Variants in C2orf76 observed in about 807,000 individuals in gnomAD.
The protein encoded by C2orf76 is chromosome 2 open reading frame 76.
In C2orf76, 23 loss-of-function variants were observed where a neutral mutation model predicts 16.9. That is an observed-to-expected ratio of 1.36 (90% CI 0.98 to 1.93). The LOEUF (loss-of-function observed/expected upper bound fraction) is 1.93. C2orf76 is among the 30% of genes most tolerant of loss of function. The pLI is 0.00. For synonymous variants in C2orf76, 48 were observed against 52.3 expected, an observed-to-expected ratio of 0.92 and a Z score of 0.35; for missense variants, 152 against 152.6, an observed-to-expected ratio of 1.00 and a Z score of 0.02.
intron 1 of C2orf76, among the ~76,000 whole-genome samples, chr2:119,360,426 G>A (rs903305419): frequency 1.3e-4 from 18 of 140,754 alleles, no homozygotes; most frequent in Non-Finnish European, 2.4e-4. Context: ...GCAGTGAGCT[G>A]AGACTGCACC....
At chr2:119,343,535 G>A (rs1457470622) in intron 1 of C2orf76, among the ~76,000 whole-genome samples, 1 of 151,446 alleles carries the variant, frequency 6.6e-6, no homozygotes, top group Non-Finnish European at 1.5e-5. Flanking sequence ...CTGGAATGCA[G>A]CCCAGTGTCC....
chr2:119,343,894 T>C (rs976726093), intron 1 of C2orf76, among the ~76,000 whole-genome samples: 4 of 152,244 alleles, frequency 2.6e-5, no homozygotes, highest in Non-Finnish European at 4.4e-5. Flanking sequence ...TTTGTCATTA[T>C]TATTCTATTT....
intron 4 of C2orf76, among the ~76,000 whole-genome samples, chr2:119,314,019 T>G (rs952705469): frequency 6.8e-6 from 1 of 148,050 alleles, no homozygotes; most frequent in Non-Finnish European, 1.5e-5. Flanking sequence ...CAGTGGTTTT[T>G]TTTTTTTTTT....
intron 1 of C2orf76, among the ~76,000 whole-genome samples, chr2:119,348,439 C>T (rs1366124911): frequency 6.6e-6 from 1 of 152,238 alleles, no homozygotes; most frequent in Non-Finnish European, 1.5e-5. Flanking sequence ...GTAATCCCAG[C>T]ACTTTGGGAG....
chr2:119,347,682 G>A (rs1190451569), intron 1 of C2orf76, among the ~76,000 whole-genome samples: 2 of 151,882 alleles, frequency 1.3e-5, no homozygotes, highest in Non-Finnish European at 2.9e-5. Flanking sequence ...GACCAGCCTG[G>A]GCAACATATC....
intron 1 of C2orf76, among the ~76,000 whole-genome samples, chr2:119,362,020 T>A (rs560270659): frequency 2.6e-4 from 39 of 151,622 alleles, no homozygotes; most frequent in Non-Finnish European, 5.0e-4. Flanking sequence ...ACAATAGGAG[T>A]CCAACTTCTA....
intron 4 of C2orf76, among the ~76,000 whole-genome samples, chr2:119,313,450 G>C (rs1679062551): frequency 6.6e-6 from 1 of 151,582 alleles, no homozygotes; most frequent in South Asian, 2.1e-4. Context: ...TATTTAATTA[G>C]CTGGGTGTGG....
rs1679232963 is a variant in C2orf76, at chr2:119,318,137, A to C, written c.185-634T>G. ...TTTGTTTATCTTGAAGTCAGGCTAC[A>C]CTGTGCACTTCCAGTAAGTAATTTC... On this transcript the variant is annotated intron_variant, in intron 3 of 5. Transcript: ENST00000334816. Among the ~76,000 whole-genome samples, 4 of 152,356 alleles carry C rather than the reference A, an allele frequency of 2.6e-5. No individual in the cohort carries two copies. In the South Asian group the frequency reaches 8.3e-4, roughly 32 times the overall value.
intron 1 of C2orf76, among the ~76,000 whole-genome samples, chr2:119,362,192 C>T (rs1680766546): frequency 1.3e-5 from 2 of 152,272 alleles, no homozygotes; most frequent in South Asian, 4.1e-4. Context: ...ACATTCTTTT[C>T]TAGTTTACTT....
chr2:119,297,873 G>GA (rs1229057631), downstream of C2orf76, among the ~76,000 whole-genome samples: 2 of 152,170 alleles, frequency 1.3e-5, no homozygotes, highest in Non-Finnish European at 2.9e-5. Flanking sequence ...AATAGACATA[G>GA]AAAAAATAAC....
chr2:119,310,170 A>AC (rs1573623169), intron 5 of C2orf76, among the ~76,000 whole-genome samples: 1 of 151,858 alleles, frequency 6.6e-6, no homozygotes, highest in Non-Finnish European at 1.5e-5. Context: ...GTCTGTCAAC[A>AC]CCCCCATTAA....
chr2:119,361,853 C>A (rs1397775005), intron 1 of C2orf76, among the ~76,000 whole-genome samples: 2 of 152,018 alleles, frequency 1.3e-5, no homozygotes, highest in African/African-American at 4.8e-5. Context: ...TTTTTTTGAA[C>A]AACATTGCCC....
rs757835297 is a variant in C2orf76 at position 119,302,422 on chromosome 2, G to A, written c.*50C>T. 1 of 714,250 alleles carries A rather than the reference G, an allele frequency of 1.4e-6. No homozygotes were observed. The highest frequency in any genetic ancestry group is 2.3e-6 in the Non-Finnish European group (1 of 428,292). The allele number at this position is 714,250 out of a possible 1,614,324, so 44.2% of individuals were successfully genotyped here. On this transcript the variant is annotated 3_prime_UTR_variant, in exon 6 of 6. Coordinates refer to ENST00000334816, the MANE Select transcript of C2orf76 (RefSeq NM_001322331.2). Reference sequence around the variant, plus strand: ...TGTCAATTTCAAAAATTCAGCAGTGGAATAAAGAGCTTAATACAGGTATGC... The same window carrying A: ...TGTCAATTTCAAAAATTCAGCAGTGAAATAAAGAGCTTAATACAGGTATGC...
At chr2:119,297,048 T>A in the C2orf76 span, among the ~76,000 whole-genome samples, 1 of 152,332 alleles carries the variant, frequency 6.6e-6, no homozygotes, top group African/African-American at 2.4e-5. Context: ...ATGAAGTTGC[T>A]GCTGCTGCAC....
Position 119,357,699 on chromosome 2 carries a change from T to C in C2orf76, c.-13+9091A>G, listed in dbSNP as rs570193612. Among the ~76,000 whole-genome samples, 11 of 151,984 alleles carry C rather than the reference T, an allele frequency of 7.2e-5. No homozygotes were observed. In the East Asian group the frequency reaches 2.1e-3, roughly 29 times the overall value. ...AAGGAAAAATAGCCATTCTCACCATTCTTATTCAACATGCTGCTGGAAGTT... is the reference window on the plus strand; with the variant it reads ...AAGGAAAAATAGCCATTCTCACCATCCTTATTCAACATGCTGCTGGAAGTT... On this transcript the variant is annotated intron_variant, in intron 1 of 5. Transcript: ENST00000334816.
At chr2:119,295,621 T>C in the C2orf76 span, among the ~76,000 whole-genome samples, 1 of 152,182 alleles carries the variant, frequency 6.6e-6, no homozygotes, top group Non-Finnish European at 1.5e-5. Context: ...ATCACAAGAA[T>C]GCCATTATGG....
chr2:119,329,757 C>T (rs934206612), intron 2 of C2orf76, among the ~76,000 whole-genome samples: 16 of 152,102 alleles, frequency 1.1e-4, no homozygotes, highest in African/African-American at 1.7e-4. Flanking sequence ...TCCATTTCTC[C>T]TCTGCTGGCC....
At chr2:119,331,329 A>T (rs1303414395) in intron 2 of C2orf76, among the ~76,000 whole-genome samples, 2 of 152,192 alleles carry the variant, frequency 1.3e-5, no homozygotes, top group Non-Finnish European at 2.9e-5. Context: ...TAACCTGTGA[A>T]TAACAAGGTT....
chr2:119,284,685 T>TC, the C2orf76 span, among the ~76,000 whole-genome samples: 1 of 151,354 alleles, frequency 6.6e-6, no homozygotes, highest in African/African-American at 2.4e-5. Context: ...ATTTTGGTTT[T>TC]TTTTTTTTTT....
Sources: gnomAD v4.1 joint callset for allele counts (sites outside exome capture counted in the v4.1 genomes callset) on GRCh38, gnomAD v4.1.1 for gene constraint, MANE v1.5 for transcripts, NCBI Gene and HGNC (gene_info 2026-07-23, HGNC 2026-07-21) for gene names.